The following MMP26 variants were observed in gnomAD, a reference collection of about 807,000 sequenced individuals.
The protein encoded by MMP26 is matrix metallopeptidase 26.
A neutral mutation model predicts 31.0 loss-of-function variants in MMP26; 33 were observed. That is an observed-to-expected ratio of 1.06 (90% CI 0.81 to 1.42). MMP26 has a LOEUF of 1.42. Among genes scored for constraint, MMP26 ranks in the 40% most tolerant of loss-of-function variants. MMP26 has a pLI of 0.00. For missense variants in MMP26, 347 were observed against 316.1 expected (o/e 1.10, Z -0.74); for synonymous variants, 122 against 114.9 (o/e 1.06, Z -0.40).
At chr11:4,931,918 G>A (rs976957637) in intron 2 of MMP26, among the ~76,000 whole-genome samples, 2 of 151,960 alleles carry the variant, frequency 1.3e-5, no homozygotes, top group Non-Finnish European at 2.9e-5. Flanking sequence ...GAGTATAGTA[G>A]GGAGACTAAA....
rs189166466 is a variant in MMP26 at position 4,987,248 on chromosome 11, A to G, written c.-144-820A>G. ...GTGAGATATATATGTATATGTATCT[A>G]TACATATACATAAACATGTACATCT... On this transcript the variant is annotated intron_variant, in intron 2 of 7. Coordinates refer to ENST00000380390, the MANE Select transcript of MMP26 (RefSeq NM_021801.5). Among the ~76,000 whole-genome samples, 5 of 152,136 alleles carry G rather than the reference A, an allele frequency of 3.3e-5. No individual in the cohort carries two copies. In the East Asian group the frequency reaches 9.7e-4, roughly 30 times the overall value.
intron 2 of MMP26, among the ~76,000 whole-genome samples, chr11:4,931,812 G>T (rs959170891): frequency 6.6e-6 from 1 of 152,028 alleles, no homozygotes; most frequent in Non-Finnish European, 1.5e-5. Flanking sequence ...AATGCAATAG[G>T]TTGGTAGCAT....
chr11:4,774,278 C>T (rs947021321), intron 2 of MMP26, among the ~76,000 whole-genome samples: 2 of 152,070 alleles, frequency 1.3e-5, no homozygotes, highest in African/African-American at 2.4e-5. Context: ...TCTCCACGAC[C>T]TCACCAGCTT....
intron 1 of MMP26, chr11:4,752,626 T>C (rs1848459838): frequency 6.6e-6 from 1 of 152,282 alleles, no homozygotes; most frequent in African/African-American, 2.4e-5. Flanking sequence ...TCAAAGGCCA[T>C]AGCCAGGAGC....
chr11:4,737,859 A>G (rs1260239678), intron 1 of MMP26, among the ~76,000 whole-genome samples: 2 of 152,208 alleles, frequency 1.3e-5, no homozygotes, highest in Non-Finnish European at 2.9e-5. Context: ...ATATACATGT[A>G]TGTGAATATT....
chr11:4,985,463 A>T (rs901402803), intron 2 of MMP26, among the ~76,000 whole-genome samples: 1 of 152,176 alleles, frequency 6.6e-6, no homozygotes, highest in Admixed American at 6.5e-5. Context: ...AGTATATCAC[A>T]TATATCTTAT....
At chr11:4,743,907 G>A (rs1848346446) in intron 1 of MMP26, among the ~76,000 whole-genome samples, 1 of 152,150 alleles carries the variant, frequency 6.6e-6, no homozygotes, top group Non-Finnish European at 1.5e-5. Flanking sequence ...CTGGGCTCAA[G>A]TGATACTCCC....
chr11:4,972,772 A>G (rs1033064462), intron 2 of MMP26, among the ~76,000 whole-genome samples: 2 of 152,230 alleles, frequency 1.3e-5, no homozygotes, highest in Admixed American at 6.5e-5. Flanking sequence ...TTTACATAAG[A>G]GTCCCAAGCC....
At chr11:4,885,313 A>T (rs1479793988) in intron 2 of MMP26, among the ~76,000 whole-genome samples, 1 of 152,172 alleles carries the variant, frequency 6.6e-6, no homozygotes, top group Non-Finnish European at 1.5e-5. Flanking sequence ...CTATGGAGAG[A>T]TTATATAATA....
chr11:4,848,115 C>G, intron 2 of MMP26: 1 of 1,035,876 alleles, frequency 9.7e-7, no homozygotes, highest in East Asian at 2.4e-5. Flanking sequence ...GGACAGGAAG[C>G]TACATGCACA....
rs1423650556 is a variant in MMP26 at position 4,768,989 on chromosome 11, A to C, written c.-145+1648A>C. ...TAAAACTATGTCTGTTCATTTTGTA[A>C]GCAGCAGACTGAGCATAGCCTTGCG... On this transcript the variant is annotated intron_variant, in intron 2 of 7. Coordinates refer to ENST00000380390, the MANE Select transcript of MMP26 (RefSeq NM_021801.5). 3 of 1,498,120 alleles carry C rather than the reference A, an allele frequency of 2.0e-6. No homozygotes were observed. The highest frequency in any genetic ancestry group is 1.4e-5 in the African/African-American group (1 of 71,570). The allele number at this position is 1,498,120 out of a possible 1,614,324, so 92.8% of individuals were successfully genotyped here. A position where few individuals can be genotyped will look rare whatever the true frequency, so the allele number is the denominator to read the frequency against.
At chr11:4,854,200 A>G (rs1289765070) in intron 2 of MMP26, among the ~76,000 whole-genome samples, 1 of 152,178 alleles carries the variant, frequency 6.6e-6, no homozygotes, top group Non-Finnish European at 1.5e-5. Flanking sequence ...CACCAGGTTC[A>G]TCTCACTGGG....
At chr11:4,804,551 T>C in intron 2 of MMP26, 2 of 779,746 alleles carry the variant, frequency 2.6e-6, no homozygotes, top group African/African-American at 1.7e-5. Context: ...ATAAATAATA[T>C]GTTACAACAT....
At chr11:4,804,801 C>A (rs373389872) in intron 2 of MMP26, among the ~76,000 whole-genome samples, 19,630 of 144,182 alleles carry the variant, frequency 0.14, 1,455 homozygotes, top group Middle Eastern at 0.19. Context: ...AAAAACAAAA[C>A]AAAACAAAAA....
chr11:4,744,499 C>T (rs111445747), intron 1 of MMP26, among the ~76,000 whole-genome samples: 2,432 of 150,824 alleles, frequency 0.016, 60 homozygotes, highest in African/African-American at 0.056. Flanking sequence ...TTGGATGCCC[C>T]TGTACTTACA....
intron 2 of MMP26, among the ~76,000 whole-genome samples, chr11:4,916,297 T>C (rs1190167229): frequency 6.6e-6 from 1 of 152,108 alleles, no homozygotes; most frequent in African/African-American, 2.4e-5. Context: ...CCTTGTGTTG[T>C]AGTCCTTGCT....
Position 4,907,095 on chromosome 11 carries a change from T to TAAAAA in MMP26, c.-144-80957_-144-80953dup, listed in dbSNP as rs3065178. On this transcript the variant is annotated intron_variant, in intron 2 of 7. Transcript: ENST00000380390. Reference sequence around the variant, plus strand: ...TGGGCAACAAGAGCAAAACTCCCTCTAAAAAAAAAAAAAAAAAAAATCCTA... The same window carrying TAAAAA: ...TGGGCAACAAGAGCAAAACTCCCTCTAAAAAAAAAAAAAAAAAAAAAAAAATCCTA... Among the ~76,000 whole-genome samples, 19 of 55,114 alleles carry TAAAAA rather than the reference T, an allele frequency of 3.4e-4. 1 individual carries two copies. Among genetic ancestry groups the TAAAAA allele is most frequent in the African/African-American group, 5.9e-4 (9 of 15,270 alleles). The allele number at this position is 55,114 out of a possible 152,430, so 36.2% of individuals were successfully genotyped here. A position where few individuals can be genotyped will look rare whatever the true frequency, so the allele number is the denominator to read the frequency against.
chr11:4,821,287 A>G (rs1849493476), intron 2 of MMP26: 2 of 1,032,054 alleles, frequency 1.9e-6, no homozygotes, highest in Non-Finnish European at 2.9e-6. Flanking sequence ...CTAAAAAGAA[A>G]ATTCAAGTTC....
intron 2 of MMP26, among the ~76,000 whole-genome samples, chr11:4,805,548 C>T (rs1181291119): frequency 6.6e-6 from 1 of 152,128 alleles, no homozygotes; most frequent in African/African-American, 2.4e-5. Context: ...AACCTCTGTC[C>T]TAGAAGAGGA....
Sources: gnomAD v4.1 joint callset for allele counts (sites outside exome capture counted in the v4.1 genomes callset) on GRCh38, gnomAD v4.1.1 for gene constraint, MANE v1.5 for transcripts, NCBI Gene and HGNC (gene_info 2026-07-23, HGNC 2026-07-21) for gene names.